LAMA5: variants seen among roughly 807,000 people sequenced by gnomAD.
The protein encoded by LAMA5 is laminin subunit alpha-5.
A neutral mutation model predicts 433.4 loss-of-function variants in LAMA5; 260 were observed. That is an observed-to-expected ratio of 0.60 (90% confidence interval 0.54 to 0.66). The LOEUF is 0.66. LAMA5 is among the 30% of genes least tolerant of loss of function. The pLI is 0.00. For synonymous variants in LAMA5, 2,620 were observed against 2,226.6 expected, an observed-to-expected ratio of 1.18 and a Z score of -4.97; for missense variants, 5,378 against 5,258.5, an observed-to-expected ratio of 1.02 and a Z score of -0.70.
At position 62,332,645 on chromosome 20, in the gene LAMA5, C is replaced by T. The variant is rs1026764148; in HGVS notation, c.3355G>A (p.Asp1119Asn). The change falls in exon 27 of 80, where the codon GAT (aspartate) becomes AAT (asparagine). Residue 1119 changes from aspartate to asparagine, a missense_variant. Physicochemically the swap from Asp to Asn is conservative, Grantham distance 23. Transcript: ENST00000252999. ...GCCACGCCCACCTCCTGGCGGGCAT[C>T]CTCATTGGCGTACTCCACCACTAGG... ...YALVVEYANEDARQEVGVAVH... is the reference protein window; with the variant it reads ...YALVVEYANENARQEVGVAVH... 1.9e-6 allele frequency: 3 copies of T among 1,608,206 alleles called. No individual in the cohort carries two copies. Among genetic ancestry groups the T allele is most frequent in the Non-Finnish European group, 2.5e-6 (3 of 1,178,054 alleles).
Position 62,314,611 on chromosome 20 carries a change from G to A in LAMA5, c.8311C>T (p.Pro2771Ser), listed in dbSNP as rs764702676. 2 of 1,612,462 alleles carry A rather than the reference G, an allele frequency of 1.2e-6. No individual in the cohort carries two copies. Among genetic ancestry groups the A allele is most frequent in the Non-Finnish European group, 1.7e-6 (2 of 1,179,908 alleles). The change falls in exon 61 of 80, where the codon CCT becomes TCT. Residue 2771 changes from proline to serine, a missense_variant. Pro to Ser is a moderately conservative substitution (Grantham distance 74, BLOSUM62 -1). Transcript: ENST00000252999. ...ALKFYLQGPEPEPGQGTEDRF... is the reference protein window; with the variant it reads ...ALKFYLQGPESEPGQGTEDRF... The stretch of plus-strand genomic sequence containing the variant: ...TCCTCGGTACCCTGCCCAGGCTCAG[G>A]CTCTGGGCCCTGCAGGTAGAACTTG...
Position 62,326,690 on chromosome 20 carries a change from A to AGCTGCC in LAMA5, c.5279_5284dup (p.Gln1761_Leu1762insArgGln), listed in dbSNP as rs745512437. 46 of 1,612,268 alleles carry AGCTGCC rather than the reference A, an allele frequency of 2.9e-5. No homozygotes were observed. Among genetic ancestry groups the AGCTGCC allele is most frequent in the Non-Finnish European group, 3.7e-5 (44 of 1,179,448 alleles). ...AGCTCCCCTCACCTCCACCAGCTGC[A>AGCTGCC]GCTGCCCACGGTGAACGTGGCCAGG... On this transcript the variant is annotated inframe_insertion, in exon 40 of 80. Coordinates refer to ENST00000252999, the MANE Select transcript of LAMA5 (RefSeq NM_005560.6).
At chr20:62,331,959 C>T (rs924311166) in intron 28 of LAMA5, among the ~76,000 whole-genome samples, 2 of 151,264 alleles carry the variant, frequency 1.3e-5, no homozygotes, top group African/African-American at 4.9e-5. Flanking sequence ...GACTGAGGCA[C>T]GAGAATCGCT....
intron 11 of LAMA5, among the ~76,000 whole-genome samples, chr20:62,340,619 G>A (rs900722369): frequency 1.3e-5 from 2 of 151,946 alleles, no homozygotes; most frequent in African/African-American, 4.8e-5. Flanking sequence ...CCACAAGTCT[G>A]CTTTAACATG....
At chr20:62,345,719 G>T in intron 11 of LAMA5, 99 bp downstream of exon 11, 1 of 840,546 alleles carries the variant, frequency 1.2e-6, no homozygotes, top group South Asian at 1.7e-5. Context: ...AAAATAAAGT[G>T]ACCAAATGAA....
rs542820231 is a variant in LAMA5 at position 62,324,426 on chromosome 20, C to A, written c.5643+15G>T. Reference sequence around the variant, plus strand: ...AGTGAATGCTGCCCCCCTGGCCCCACCAGCCCCTACTCACCACACAGACGC... The same window carrying A: ...AGTGAATGCTGCCCCCCTGGCCCCAACAGCCCCTACTCACCACACAGACGC... On this transcript the variant is annotated intron_variant, in intron 42 of 79. Coordinates refer to ENST00000252999, the MANE Select transcript of LAMA5 (RefSeq NM_005560.6). The surrounding 1 kb of genome is among the most constrained non-coding windows in gnomAD (Gnocchi z 4.4). The A allele has an allele frequency of 1.3e-6, 2 of 1,597,374 alleles. No individual in the cohort carries two copies. The highest frequency in any genetic ancestry group is 1.1e-5 in the South Asian group (1 of 90,180).
At position 62,309,385 on chromosome 20, in the gene LAMA5, G is replaced by A. The variant is rs367642726; in HGVS notation, c.11039C>T (p.Ser3680Phe). 6.3e-7 allele frequency: 1 copy of A among 1,590,720 alleles called. No homozygotes were observed. Among genetic ancestry groups the A allele is most frequent in the South Asian group, 1.1e-5 (1 of 88,976 alleles). The part of the protein sequence containing the change: ...VNRSPVAMTR[S>F]VEVHGAVGAS... ...CCCCACTGCCCCGTGGACCTCCACAGAGCGAGTCATGGCGACGGGGGACCG... is the reference window on the plus strand; with the variant it reads ...CCCCACTGCCCCGTGGACCTCCACAAAGCGAGTCATGGCGACGGGGGACCG... Residue 3680 changes from serine (S) to phenylalanine (F), a missense_variant, in exon 80 of 80, where the codon TCT becomes TTT. Ser to Phe is a radical substitution (Grantham distance 155, BLOSUM62 -2). Transcript: ENST00000252999.
In LAMA5 at chr20:62,333,370, C is replaced by CTCACTTG; in HGVS notation, c.3126_3128+4dup. Reference sequence around the variant, plus strand: ...CCCCGGTCCCACCGCACGCATGGCCCTCACTTGTCGCCAGACTGCTGGGCA... The same window carrying CTCACTTG: ...CCCCGGTCCCACCGCACGCATGGCCCTCACTTGTCACTTGTCGCCAGACTGCTGGGCA... On this transcript the variant is annotated splice_donor_region_variant and intron_variant, in intron 25 of 79. Coordinates refer to ENST00000252999, the MANE Select transcript of LAMA5 (RefSeq NM_005560.6). 6.2e-7 allele frequency: 1 copy of CTCACTTG among 1,612,528 alleles called. No homozygotes were observed. Among genetic ancestry groups the CTCACTTG allele is most frequent in the Non-Finnish European group, 8.5e-7 (1 of 1,179,772 alleles).
chr20:62,339,282 GGCTAGAGT>G (rs1323307604), intron 11 of LAMA5, among the ~76,000 whole-genome samples: 1 of 123,856 alleles, frequency 8.1e-6, no homozygotes, highest in Admixed American at 1.1e-4. Context: ...CTGTCGCCCA[GGCTAGAGT>G]GCAGTGGCAC....
In LAMA5 at chr20:62,309,191, TAAG is replaced by T. The variant is rs1267295221; in HGVS notation, c.*142_*144del. The T allele has an allele frequency of 1.2e-6, 1 of 814,066 alleles. No homozygotes were observed. The highest frequency in any genetic ancestry group is 1.8e-5 in the African/African-American group (1 of 57,140). 50.4% of individuals were successfully genotyped at this position (814,066 alleles called of 1,614,324 possible). A position where few individuals can be genotyped will look rare whatever the true frequency, so the allele number is the denominator to read the frequency against. On this transcript the variant is annotated 3_prime_UTR_variant, in exon 80 of 80. Coordinates refer to ENST00000252999, the MANE Select transcript of LAMA5 (RefSeq NM_005560.6). ...TTTTGCAGTATTTTATTCTTTCGTT[TAAG>T]AAGCTATAACTTAAACCATCTTCAG... is the stretch of plus-strand genomic sequence containing the variant.
Position 62,333,661 on chromosome 20 carries a change from G to C in LAMA5, c.2924C>G (p.Pro975Arg). ...QPVAFPPSTE[P>R]AFITVPQRGF... is the part of the protein sequence containing the mutation. ...CCTCTGGGGCACGGTGATGAAGGCA[G>C]GCTCCGTGCTGGGTGGGAAGGCCAC... is the stretch of plus-strand genomic sequence containing the variant. Residue 975 changes from proline to arginine, a missense_variant, in exon 24 of 80, where the codon CCT becomes CGT. Physicochemically the swap from Pro to Arg is moderately radical, Grantham distance 103. Coordinates refer to ENST00000252999, the MANE Select transcript of LAMA5 (RefSeq NM_005560.6). The C allele has an allele frequency of 1.9e-6, 3 of 1,594,596 alleles. No homozygotes were observed. Among genetic ancestry groups the C allele is most frequent in the Non-Finnish European group, 2.6e-6 (3 of 1,172,318 alleles).
In LAMA5 at chr20:62,319,881, G is replaced by A. The variant is rs1249948398; in HGVS notation, c.6760-86C>T. ...AGGGCCTGGGGTCTGGGGGAGCGCC[G>A]AGGGTCCCAGGGAAGAGGGGCCCCT... On this transcript the variant is annotated intron_variant, in intron 50 of 79. Transcript: ENST00000252999. The A allele has an allele frequency of 4.5e-5, 46 of 1,031,390 alleles. No homozygotes were observed. The Admixed American group carries it at 6.4e-4, about 14-fold the overall frequency. 63.9% of individuals were successfully genotyped at this position (1,031,390 alleles called of 1,614,324 possible). A position where few individuals can be genotyped will look rare whatever the true frequency, so the allele number is the denominator to read the frequency against.
In LAMA5 at chr20:62,330,590, C is replaced by A; in HGVS notation, c.3877G>T (p.Val1293Leu). 6.3e-7 allele frequency: 1 copy of A among 1,593,722 alleles called. No individual in the cohort carries two copies. Among genetic ancestry groups the A allele is most frequent in the Non-Finnish European group, 8.5e-7 (1 of 1,171,844 alleles). The change falls in exon 31 of 80, where the codon GTG becomes TTG. Residue 1293 changes from valine to leucine, a missense_variant. By Grantham distance (32) the Val-to-Leu change is conservative (BLOSUM62 1). Transcript: ENST00000252999. ...PQATVVFTTH[V>L]PTLGRYAFLL... ...AAGGCATAGCGGCCCAGCGTGGGCA[C>A]ATGGGTGGTGAAGACCACGGTGGCC...
Position 62,312,157 on chromosome 20 carries a change from G to A in LAMA5, c.9504+16C>T, listed in dbSNP as rs770700050. On this transcript the variant is annotated intron_variant, in intron 69 of 79. Coordinates refer to ENST00000252999, the MANE Select transcript of LAMA5 (RefSeq NM_005560.6). ...CCACCGCGGGGTGGGGAATGGGCAC[G>A]GGTGTGAGGTCTCACCGGGGACGCC... is the stretch of plus-strand genomic sequence containing the variant. 3 of 1,610,548 alleles carry A rather than the reference G, an allele frequency of 1.9e-6. No individual in the cohort carries two copies. The highest frequency in any genetic ancestry group is 1.3e-5 in the African/African-American group (1 of 74,914).
chr20:62,357,369 G>C (rs62199218), intron 2 of LAMA5, among the ~76,000 whole-genome samples: 1 of 152,206 alleles, frequency 6.6e-6, no homozygotes, highest in African/African-American at 2.4e-5. Flanking sequence ...CGCACTGCTC[G>C]GACAGGGCAC....
In LAMA5 at chr20:62,346,546, G is replaced by A. The variant is rs1329093414; in HGVS notation, c.1242C>T (p.Arg414=). 1 of 1,558,044 alleles carries A rather than the reference G, an allele frequency of 6.4e-7. No homozygotes were observed. Residue 414 remains arginine, a synonymous_variant, in exon 9 of 80, where the codon CGC becomes CGT. Coordinates refer to ENST00000252999, the MANE Select transcript of LAMA5 (RefSeq NM_005560.6). ...GCGAGTCGAGAGGGTGGTTGGGAGA[G>A]CGGTAGAAGCCGGGCAGGCAGCGCT... is the stretch of plus-strand genomic sequence containing the variant. The part of the protein sequence containing the change: ...NCERCLPGFY[R]SPNHPLDSPH...
Position 62,367,171 on chromosome 20 carries a change from G to T in LAMA5, c.75C>A (p.Val25=). The change falls in exon 1 of 80, where the codon GTC becomes GTA. Residue 25 remains valine, a synonymous_variant. Transcript: ENST00000252999. ...GCGCCGCGCCCAGCAGCGCCAGCCC[G>T]ACCAGCAGCAGCGGCGCGGGGCCCC... ...GPRGPAPLLL[V]GLALLGAARA... The T allele has an allele frequency of 8.0e-7, 1 of 1,246,068 alleles. No homozygotes were observed. Among genetic ancestry groups the T allele is most frequent in the South Asian group, 3.1e-5 (1 of 31,850 alleles). 77.2% of individuals were successfully genotyped at this position (1,246,068 alleles called of 1,614,324 possible).
At chr20:62,356,632 G>A (rs1442909620) in intron 2 of LAMA5, among the ~76,000 whole-genome samples, 2 of 151,660 alleles carry the variant, frequency 1.3e-5, no homozygotes, top group African/African-American at 2.4e-5. Flanking sequence ...GCCTCTGCCC[G>A]GTGACCACTG....
At chr20:62,361,876 G>T (rs1006394309) in intron 2 of LAMA5, among the ~76,000 whole-genome samples, 2 of 152,168 alleles carry the variant, frequency 1.3e-5, no homozygotes, top group Non-Finnish European at 2.9e-5. Flanking sequence ...CTTGTGCAGG[G>T]GCCTCCAAGG....
Sources: allele counts gnomAD v4.1 joint callset (sites outside exome capture counted in the v4.1 genomes callset), GRCh38; gene constraint gnomAD v4.1.1; non-coding constraint Gnocchi (gnomAD v3.1); transcripts MANE v1.5; gene names NCBI Gene and HGNC (gene_info 2026-07-23, HGNC 2026-07-21).